KIAA1328: variants seen among roughly 807,000 people sequenced by gnomAD.
KIAA1328 encodes the protein KIAA1328.
In KIAA1328, 52 loss-of-function variants were observed where a neutral mutation model predicts 68.1. The ratio of observed to expected loss-of-function variants is 0.76; its 90% CI spans 0.61 to 0.96. The LOEUF (loss-of-function observed/expected upper bound fraction) is 0.96. Ranked by LOEUF, KIAA1328 falls within the 40% of genes least tolerant of loss-of-function variation. The probability of loss-of-function intolerance (pLI) is 0.00; values close to 1 mark genes in which losing one functional copy is unlikely to be tolerated. For missense variants in KIAA1328, 641 were observed against 677.6 expected, an observed-to-expected ratio of 0.95 and a Z score of 0.60; for synonymous variants, 232 against 239.4, an observed-to-expected ratio of 0.97 and a Z score of 0.28.
At chr18:36,988,082 A>G (rs887314303) in intron 6 of KIAA1328, among the ~76,000 whole-genome samples, 2 of 152,312 alleles carry the variant, frequency 1.3e-5, no homozygotes, top group East Asian at 3.9e-4. Context: ...TATATGTTTA[A>G]TGACACATTA....
At chr18:37,143,065 G>C (rs774510840) in intron 7 of KIAA1328, among the ~76,000 whole-genome samples, 1 of 150,926 alleles carries the variant, frequency 6.6e-6, no homozygotes, top group African/African-American at 2.4e-5. Flanking sequence ...AGCAATTCTC[G>C]TGCCTCATCC....
intron 7 of KIAA1328, among the ~76,000 whole-genome samples, 153 bp from the exon 8 acceptor site, chr18:37,160,047 C>A (rs2059243889): frequency 6.6e-6 from 1 of 152,026 alleles, no homozygotes; most frequent in Admixed American, 6.6e-5. Context: ...ACAAAATAGA[C>A]GTTGAGTAAA....
intron 9 of KIAA1328, among the ~76,000 whole-genome samples, chr18:37,188,569 A>G (rs1028601093): frequency 6.6e-6 from 1 of 152,200 alleles, no homozygotes; most frequent in African/African-American, 2.4e-5. Flanking sequence ...ATGCTCCTAG[A>G]GGGGCCTCCT....
chr18:37,117,885 A>AT (rs57673006), intron 7 of KIAA1328, among the ~76,000 whole-genome samples: 4,992 of 143,000 alleles, frequency 0.035, 140 homozygotes, highest in African/African-American at 0.079. Flanking sequence ...TTAAAAAAAA[A>AT]AAATATATAT....
chr18:36,963,434 C>T (rs141172267), intron 6 of KIAA1328, among the ~76,000 whole-genome samples: 9 of 152,278 alleles, frequency 5.9e-5, no homozygotes, highest in Middle Eastern at 3.4e-3. Flanking sequence ...TATTAATAGT[C>T]TTATCTTAAG....
intron 7 of KIAA1328, among the ~76,000 whole-genome samples, chr18:37,125,802 C>T (rs1257456946): frequency 1.3e-5 from 2 of 152,210 alleles, no homozygotes; most frequent in Non-Finnish European, 2.9e-5. Context: ...CATCTGACCT[C>T]ATGTGACAGG....
At chr18:36,930,674 C>T (rs1207476916) in intron 5 of KIAA1328, among the ~76,000 whole-genome samples, 1 of 152,006 alleles carries the variant, frequency 6.6e-6, no homozygotes, top group African/African-American at 2.4e-5. Flanking sequence ...ATAAGGTTAG[C>T]TGTGCATCAT....
chr18:37,207,600 G>T (rs1410226745), intron 9 of KIAA1328, among the ~76,000 whole-genome samples: 1 of 152,176 alleles, frequency 6.6e-6, no homozygotes, highest in East Asian at 1.9e-4. Context: ...GGTGGCAGCA[G>T]AATGCTCAGA....
intron 7 of KIAA1328, among the ~76,000 whole-genome samples, chr18:37,111,744 C>A (rs894768059): frequency 1.3e-5 from 2 of 152,148 alleles, no homozygotes; most frequent in Non-Finnish European, 2.9e-5. Context: ...CTGGGAAGCA[C>A]AAGGGGTCGG....
rs758342042 is a variant in KIAA1328, at chr18:36,829,130, T to G, written c.-9T>G. ...CAGGCGCGACGCCCCGAGTGGCGGT[T>G]GTTTCAAGATGGCGGACGTGGCGGG... On this transcript the variant is annotated 5_prime_UTR_variant, in exon 1 of 10. Coordinates refer to ENST00000280020, the MANE Select transcript of KIAA1328 (RefSeq NM_020776.3). The G allele has an allele frequency of 2.0e-5, 30 of 1,532,772 alleles. No homozygotes were observed. The highest frequency in any genetic ancestry group is 2.5e-5 in the Non-Finnish European group (28 of 1,141,740). The allele number at this position is 1,532,772 out of a possible 1,614,324, so 94.9% of individuals were successfully genotyped here.
At chr18:36,885,919 G>C in intron 5 of KIAA1328, 1 of 441,232 alleles carries the variant, frequency 2.3e-6, no homozygotes. Context: ...GTTTCACCTT[G>C]TTGGCCAGGC....
intron 9 of KIAA1328, among the ~76,000 whole-genome samples, chr18:37,186,037 A>G (rs1301108688): frequency 6.7e-6 from 1 of 148,304 alleles, no homozygotes; most frequent in African/African-American, 2.5e-5. Context: ...GCTGACATTG[A>G]TATACAGTTA....
chr18:37,050,140 A>G (rs16968509), intron 6 of KIAA1328, among the ~76,000 whole-genome samples: 5,112 of 152,226 alleles, frequency 0.034, 305 homozygotes, highest in African/African-American at 0.12. Context: ...TGGAGGACAT[A>G]AAAGAGGTCA....
chr18:37,033,473 C>T (rs1345186860), intron 6 of KIAA1328, among the ~76,000 whole-genome samples: 1 of 151,862 alleles, frequency 6.6e-6, no homozygotes, highest in African/African-American at 2.4e-5. Context: ...GTAGTCTTTT[C>T]TCTAACAACT....
chr18:36,871,169 A>C (rs1053015472), intron 4 of KIAA1328, among the ~76,000 whole-genome samples: 5 of 152,206 alleles, frequency 3.3e-5, no homozygotes, highest in Non-Finnish European at 7.3e-5. Flanking sequence ...CCTACAGTGC[A>C]CTGTGGATAA....
intron 6 of KIAA1328, among the ~76,000 whole-genome samples, chr18:37,006,279 A>T (rs945054577): frequency 4.2e-4 from 64 of 152,160 alleles, no homozygotes; most frequent in African/African-American, 1.5e-3. Flanking sequence ...TTTTCCCAAA[A>T]GTCAAGAGTA....
Position 36,834,305 on chromosome 18 carries a change from T to C in KIAA1328, c.59-15T>C. On this transcript the variant is annotated splice_polypyrimidine_tract_variant and intron_variant, in intron 1 of 9. Transcript: ENST00000280020. Reference sequence around the variant, plus strand: ...GATAATATTATTGTATTTTCCTTCATGTTCTCCTGCGTAGTTTCTGATGAA... The same window carrying C: ...GATAATATTATTGTATTTTCCTTCACGTTCTCCTGCGTAGTTTCTGATGAA... 3 of 1,567,250 alleles carry C rather than the reference T, an allele frequency of 1.9e-6. No homozygotes were observed. Among genetic ancestry groups the C allele is most frequent in the Non-Finnish European group, 2.6e-6 (3 of 1,157,300 alleles).
intron 6 of KIAA1328, among the ~76,000 whole-genome samples, chr18:37,055,531 G>A (rs1423354213): frequency 6.6e-6 from 1 of 152,134 alleles, no homozygotes; most frequent in Non-Finnish European, 1.5e-5. Context: ...ACATTTATTT[G>A]GGATGAGACT....
At chr18:36,973,532 G>A (rs963905959) in intron 6 of KIAA1328, among the ~76,000 whole-genome samples, 3 of 151,982 alleles carry the variant, frequency 2.0e-5, no homozygotes, top group African/African-American at 7.3e-5. Flanking sequence ...TTCAGATAAT[G>A]ACACAAGTTA....
Sources: allele counts gnomAD v4.1 joint callset (sites outside exome capture counted in the v4.1 genomes callset), GRCh38; gene constraint gnomAD v4.1.1; transcripts MANE v1.5; gene names NCBI Gene and HGNC (gene_info 2026-07-23, HGNC 2026-07-21).